The following CLCN6 variants were observed in gnomAD, a reference collection of about 807,000 sequenced individuals.
CLCN6 encodes Cl-/H+ antiporter 6.
A neutral mutation model predicts 109.8 loss-of-function variants in CLCN6; 70 were observed. The ratio of observed to expected loss-of-function variants is 0.64; its 90% CI spans 0.53 to 0.78. CLCN6 has a LOEUF of 0.78. Ranked by LOEUF, CLCN6 falls within the 30% of genes least tolerant of loss-of-function variation. The probability of loss-of-function intolerance (pLI) is 0.00; values close to 1 mark genes in which losing one functional copy is unlikely to be tolerated. For synonymous variants in CLCN6, 444 were observed against 447.8 expected, an observed-to-expected ratio of 0.99 and a Z score of 0.11; for missense variants, 984 against 1,142.3, an observed-to-expected ratio of 0.86 and a Z score of 2.00.
intron 22 of CLCN6, among the ~76,000 whole-genome samples, chr1:11,839,728 A>G (rs1341953092): frequency 6.6e-6 from 1 of 152,246 alleles, no homozygotes; most frequent in Non-Finnish European, 1.5e-5. Context: ...CAACAGTGAC[A>G]CGTGGGAACC....
chr1:11,809,296 C>T (rs972771004), intron 2 of CLCN6, among the ~76,000 whole-genome samples: 6 of 152,194 alleles, frequency 3.9e-5, no homozygotes, highest in African/African-American at 1.4e-4. Context: ...GACTGTATCA[C>T]CAGGACTGAG....
intron 13 of CLCN6, among the ~76,000 whole-genome samples, chr1:11,831,046 TGGTCTC>T (rs1644878169): frequency 6.6e-6 from 1 of 151,928 alleles, no homozygotes; most frequent in Admixed American, 6.6e-5. Context: ...TTGGCCAGGC[TGGTCTC>T]GAACTCCTGA....
rs774319486 is a variant in CLCN6 at position 11,828,497 on chromosome 1, A to G, written c.994A>G (p.Met332Val). 9.9e-6 allele frequency: 16 copies of G among 1,614,028 alleles called. No homozygotes were observed. Among genetic ancestry groups the G allele is most frequent in the South Asian group, 5.5e-5 (5 of 91,080 alleles). The change falls in exon 12 of 23, where the codon ATG becomes GTG. Residue 332 changes from methionine to valine, a missense_variant. Met to Val is a conservative substitution (Grantham distance 21). Transcript: ENST00000346436. The part of the protein sequence containing the change: ...SDKKCHLWTA[M>V]DLGFFVVMGV... ...TAAAAAATGTCATCTCTGGACAGCTATGGATTTGGGTTTCTTCGTCGTGAT... is the reference window on the plus strand; with the variant it reads ...TAAAAAATGTCATCTCTGGACAGCTGTGGATTTGGGTTTCTTCGTCGTGAT...
At chr1:11,830,887 G>A (rs984129183) in intron 13 of CLCN6, among the ~76,000 whole-genome samples, 14 of 151,776 alleles carry the variant, frequency 9.2e-5, no homozygotes, top group Non-Finnish European at 2.1e-4. Flanking sequence ...AGGCCGGAGT[G>A]CAGTGGCGCG....
At chr1:11,813,304 T>C (rs1232326306) in intron 2 of CLCN6, among the ~76,000 whole-genome samples, 1 of 152,174 alleles carries the variant, frequency 6.6e-6, no homozygotes, top group Non-Finnish European at 1.5e-5. Context: ...CATATGTAGG[T>C]GCATATATGT....
chr1:11,824,477 C>T lies in CLCN6; in HGVS notation c.581-9C>T, dbSNP rs774688041. ...TGACTGTTGGTCTTTCCTTTTTCACCCTGCCCAGGGCTCTTCGTGGAGAAG... is the reference window on the plus strand; with the variant it reads ...TGACTGTTGGTCTTTCCTTTTTCACTCTGCCCAGGGCTCTTCGTGGAGAAG... On this transcript the variant is annotated splice_polypyrimidine_tract_variant and intron_variant, in intron 7 of 22. Coordinates refer to ENST00000346436, the MANE Select transcript of CLCN6 (RefSeq NM_001286.5). 1 of 1,610,682 alleles carries T rather than the reference C, an allele frequency of 6.2e-7. No homozygotes were observed. Among genetic ancestry groups the T allele is most frequent in the Non-Finnish European group, 8.5e-7 (1 of 1,178,204 alleles).
intron 2 of CLCN6, among the ~76,000 whole-genome samples, chr1:11,815,245 T>C (rs1301018114): frequency 6.6e-6 from 1 of 152,208 alleles, no homozygotes; most frequent in African/African-American, 2.4e-5. Context: ...GGTCTTTAAA[T>C]ATTTTGCCAA....
intron 2 of CLCN6, among the ~76,000 whole-genome samples, chr1:11,809,355 C>T (rs931028827): frequency 2.6e-5 from 4 of 152,152 alleles, no homozygotes; most frequent in African/African-American, 9.7e-5. Context: ...CAAGGCTTCC[C>T]CATTGACACC....
chr1:11,839,138 C>T lies in CLCN6; in HGVS notation c.2529+478C>T, dbSNP rs757943299. 5.0e-4 allele frequency: 288 copies of T among 580,630 alleles called. 3 individuals carry two copies. Among genetic ancestry groups the T allele is most frequent in the Middle Eastern group, 2.9e-3 (9 of 3,156 alleles). 36.0% of individuals were successfully genotyped at this position (580,630 alleles called of 1,614,324 possible). A position where few individuals can be genotyped will look rare whatever the true frequency, so the allele number is the denominator to read the frequency against. On this transcript the variant is annotated intron_variant, in intron 22 of 22. Coordinates refer to ENST00000346436, the MANE Select transcript of CLCN6 (RefSeq NM_001286.5). ...TTTTCTTATTACACAAATATGATTT[C>T]ATTGTAGGAAAATACAAAAACACAT...
intron 2 of CLCN6, among the ~76,000 whole-genome samples, chr1:11,808,114 A>T (rs941361653): frequency 6.6e-6 from 1 of 152,106 alleles, no homozygotes; most frequent in Non-Finnish European, 1.5e-5. Flanking sequence ...CCTTGTCCTC[A>T]TCACACAGCT....
chr1:11,819,377 G>A, intron 4 of CLCN6, 111 bp from the exon 5 acceptor site: 1 of 946,036 alleles, frequency 1.1e-6, no homozygotes, highest in East Asian at 2.4e-5. Flanking sequence ...CTGGTGAGCA[G>A]CCTCCGTATG....
At chr1:11,814,132 G>A (rs17037435) in intron 2 of CLCN6, among the ~76,000 whole-genome samples, 15,015 of 152,048 alleles carry the variant, frequency 0.099, 780 homozygotes, top group South Asian at 0.16. Context: ...TGAAACTATT[G>A]TCTGGGAGTG....
rs185466135 is a variant in CLCN6 at position 11,834,973 on chromosome 1, C to T, written c.1793+383C>T. 2.6e-5 allele frequency among the ~76,000 whole-genome samples: 4 copies of T among 152,270 alleles called. No homozygotes were observed. The highest frequency in any genetic ancestry group is 4.1e-4 in the South Asian group (2 of 4,826). ...CCCACCAGAATGCCCTACTGCCAGC[C>T]GGGATTGTTCTGGGCATAATCACCT... On this transcript the variant is annotated intron_variant, in intron 17 of 22. Transcript: ENST00000346436. The surrounding 1 kb of genome is among the most constrained non-coding windows in gnomAD (Gnocchi z 4.5).
At chr1:11,830,162 A>C (rs890231737) in intron 13 of CLCN6, 2 of 152,120 alleles carry the variant, frequency 1.3e-5, no homozygotes, top group Non-Finnish European at 2.9e-5. Flanking sequence ...TAGTCCGTGG[A>C]GCCTACTCCA....
chr1:11,828,016 C>T (rs41275480), intron 10 of CLCN6, 90 bp from the exon 11 acceptor site: 32,006 of 935,470 alleles, frequency 0.034, 667 homozygotes, highest in Non-Finnish European at 0.043. Flanking sequence ...GAGGTCTCTG[C>T]GTAGAGCAGT....
In CLCN6 at chr1:11,841,693, A is replaced by G. The variant is rs1645026015; in HGVS notation, c.*1470A>G. ...CCAGCCCTGGGCGACCTCCTTGGCC[A>G]AGTCTGCCTTTCACCCTGGGGTGAG... On this transcript the variant is annotated 3_prime_UTR_variant, in exon 23 of 23. Transcript: ENST00000346436. 1 of 152,240 alleles carries G rather than the reference A, an allele frequency of 6.6e-6. No homozygotes were observed. The highest frequency in any genetic ancestry group is 2.1e-4 in the South Asian group (1 of 4,828). The allele number at this position is 152,240 out of a possible 1,614,324, so 9.4% of individuals were successfully genotyped here.
At chr1:11,820,503 A>T (rs1185760004) in intron 5 of CLCN6, 10 of 622,880 alleles carry the variant, frequency 1.6e-5, no homozygotes, top group Non-Finnish European at 3.0e-5. Flanking sequence ...ACAGTGGCTC[A>T]CGCCTGTAAT....
intron 11 of CLCN6, 88 bp from the exon 12 acceptor site, chr1:11,828,370 C>T: frequency 6.4e-6 from 10 of 1,551,770 alleles, no homozygotes; most frequent in South Asian, 3.3e-5. Context: ...AAAGCAGCCC[C>T]ACTCTTGCTT....
chr1:11,828,446 C>A lies in CLCN6; in HGVS notation c.955-12C>A, dbSNP rs770083031. On this transcript the variant is annotated splice_polypyrimidine_tract_variant and intron_variant, in intron 11 of 22. Transcript: ENST00000346436. ...TGGTTTTTCTCTCCCTCTCCCTTTC[C>A]CCTTCTCTCAGTGCTCTGACTCTGA... 11 of 1,613,958 alleles carry A rather than the reference C, an allele frequency of 6.8e-6. No homozygotes were observed. In the East Asian group the frequency reaches 2.4e-4, roughly 36 times the overall value.
Sources: allele counts gnomAD v4.1 joint callset (sites outside exome capture counted in the v4.1 genomes callset), GRCh38; gene constraint gnomAD v4.1.1; non-coding constraint Gnocchi (gnomAD v3.1); transcripts MANE v1.5; gene names NCBI Gene and HGNC (gene_info 2026-07-23, HGNC 2026-07-21).